Variants in SPART observed in about 807,000 individuals in gnomAD.
SPART encodes the protein spartin.
In SPART, 35 loss-of-function variants were observed where a neutral mutation model predicts 58.7. The observed-to-expected ratio is 0.60, with a 90% CI of 0.46 to 0.79. The LOEUF (loss-of-function observed/expected upper bound fraction) is 0.79. SPART is among the 30% of genes least tolerant of loss of function. The pLI, the probability that SPART is intolerant of heterozygous loss-of-function variation, is 0.00. For missense variants in SPART, 730 were observed against 786.1 expected, an observed-to-expected ratio of 0.93 and a Z score of 0.85; for synonymous variants, 284 against 280.7, an observed-to-expected ratio of 1.01 and a Z score of -0.12.
chr13:36,307,385 A>G (rs1426542628), intron 8 of SPART, among the ~76,000 whole-genome samples: 1 of 152,166 alleles, frequency 6.6e-6, no homozygotes, highest in East Asian at 1.9e-4. Flanking sequence ...CCCTTCATCC[A>G]GTGCAAATTT....
At chr13:36,323,244 A>T (rs545572452) in intron 5 of SPART, among the ~76,000 whole-genome samples, 20 of 152,302 alleles carry the variant, frequency 1.3e-4, no homozygotes, top group Non-Finnish European at 2.4e-4. Context: ...ACCCTTGATG[A>T]TGTTTTGCTA....
At chr13:36,310,052 C>T (rs1439145356) in intron 8 of SPART, among the ~76,000 whole-genome samples, 2 of 152,148 alleles carry the variant, frequency 1.3e-5, no homozygotes, top group East Asian at 1.9e-4. Flanking sequence ...TGGTTTATAT[C>T]CCAGCTCTAC....
chr13:36,365,798 G>A (rs893666934), intron 1 of SPART: 2 of 294,268 alleles, frequency 6.8e-6, no homozygotes, highest in Non-Finnish European at 1.4e-5. Context: ...TGCATGGGTG[G>A]ACTAAAGACC....
At chr13:36,362,379 T>C (rs1325670703) in intron 1 of SPART, among the ~76,000 whole-genome samples, 2 of 149,434 alleles carry the variant, frequency 1.3e-5, no homozygotes, top group African/African-American at 4.9e-5. Flanking sequence ...ACCCATGTTA[T>C]GGAAGAAGAA....
In SPART at chr13:36,303,614, C is replaced by CTT. The variant is rs1477347843; in HGVS notation, c.*749_*750dup. 2.6e-5 allele frequency: 4 copies of CTT among 152,090 alleles called. No homozygotes were observed. The highest frequency in any genetic ancestry group is 5.9e-5 in the Non-Finnish European group (4 of 67,972). The allele number at this position is 152,090 out of a possible 1,614,324, so 9.4% of individuals were successfully genotyped here. ...TATGATAAAATAATTTCTTGAAGTA[C>CTT]TTTTTTAATCCAATTAAGCTGATAA... On this transcript the variant is annotated 3_prime_UTR_variant, in exon 9 of 9. Transcript: ENST00000438666.
intron 1 of SPART, among the ~76,000 whole-genome samples, chr13:36,367,925 G>A (rs529185410): frequency 3.3e-5 from 5 of 152,202 alleles, no homozygotes; most frequent in South Asian, 4.1e-4. Context: ...CTCAGGATAC[G>A]ACGGATAATC....
At chr13:36,362,211 C>T (rs2137722916) in intron 1 of SPART, among the ~76,000 whole-genome samples, 1 of 152,100 alleles carries the variant, frequency 6.6e-6, no homozygotes, top group African/African-American at 2.4e-5. Context: ...ATTAGCTGGG[C>T]ATGGTGGCGC....
intron 4 of SPART, 113 bp from the exon 5 acceptor site, chr13:36,326,811 A>G (rs1882982774): frequency 8.3e-7 from 1 of 1,207,148 alleles, no homozygotes; most frequent in South Asian, 1.3e-5. Context: ...TTAATGAAAA[A>G]TATCTCCAGC....
chr13:36,338,342 G>C (rs1197839064), intron 1 of SPART, among the ~76,000 whole-genome samples: 1 of 152,194 alleles, frequency 6.6e-6, no homozygotes, highest in Non-Finnish European at 1.5e-5. Flanking sequence ...AAAGGAGGCA[G>C]ACAAGTGAAA....
At chr13:36,360,425 G>C (rs1885808978) in intron 1 of SPART, among the ~76,000 whole-genome samples, 1 of 151,894 alleles carries the variant, frequency 6.6e-6, no homozygotes, top group African/African-American at 2.4e-5. Context: ...GGTGTTAAGA[G>C]TGTCTTTCAG....
intron 8 of SPART, 119 bp from the exon 9 acceptor site, chr13:36,304,751 T>C: frequency 1.9e-6 from 2 of 1,056,272 alleles, no homozygotes; most frequent in East Asian, 5.2e-5. Context: ...AAATTAAAGC[T>C]TAGGTTTCAA....
intron 1 of SPART, among the ~76,000 whole-genome samples, chr13:36,337,845 C>A (rs150234956): frequency 1.5e-3 from 221 of 152,238 alleles, no homozygotes; most frequent in African/African-American, 5.0e-3. Context: ...CTGTGAAGTG[C>A]TTCCTTCAAG....
At chr13:36,342,252 G>GTACTACT (rs1884650383) in intron 1 of SPART, among the ~76,000 whole-genome samples, 1 of 152,150 alleles carries the variant, frequency 6.6e-6, no homozygotes, top group African/African-American at 2.4e-5. Flanking sequence ...ATTACTATTA[G>GTACTACT]TACTACTTTG....
upstream of SPART, among the ~76,000 whole-genome samples, chr13:36,349,510 T>C (rs1447870323): frequency 6.6e-6 from 1 of 152,146 alleles, no homozygotes; most frequent in Non-Finnish European, 1.5e-5. Context: ...AAGGATGTGG[T>C]AGAAGGAACA....
At chr13:36,342,303 G>A (rs1260322832) in intron 1 of SPART, among the ~76,000 whole-genome samples, 1 of 152,096 alleles carries the variant, frequency 6.6e-6, no homozygotes, top group Non-Finnish European at 1.5e-5. Flanking sequence ...AATTGCCTTA[G>A]ATCACCTGTT....
In SPART at chr13:36,335,343, G is replaced by A. The variant is rs150640373; in HGVS notation, c.488C>T (p.Ser163Leu). 9.9e-6 allele frequency: 16 copies of A among 1,613,952 alleles called. No individual in the cohort carries two copies. Among genetic ancestry groups the A allele is most frequent in the Non-Finnish European group, 1.2e-5 (14 of 1,180,002 alleles). ...VAAPASLSLP[S>L]QSCPAEAPPA... ...AGGAGCTTCTGCTGGACAACTTTGT[G>A]ATGGTAAAGACAGAGAAGCAGGTGC... The change falls in exon 2 of 9, where the codon TCA becomes TTA. Residue 163 changes from serine to leucine, a missense_variant. Ser to Leu is a moderately radical substitution (Grantham distance 145). Transcript: ENST00000438666.
intron 4 of SPART, among the ~76,000 whole-genome samples, chr13:36,329,110 A>G (rs543734149): frequency 6.6e-6 from 1 of 152,266 alleles, no homozygotes; most frequent in East Asian, 1.9e-4. Flanking sequence ...CAAAAAAAAT[A>G]AAATCTCTCA....
intron 1 of SPART, among the ~76,000 whole-genome samples, chr13:36,363,719 A>G (rs1885952429): frequency 2.0e-5 from 3 of 151,730 alleles, no homozygotes; most frequent in Admixed American, 2.0e-4. Flanking sequence ...CAAAATGGAC[A>G]TGCCTCAGCG....
At chr13:36,353,829 C>T (rs932640352) in intron 1 of SPART, among the ~76,000 whole-genome samples, 4 of 152,142 alleles carry the variant, frequency 2.6e-5, no homozygotes, top group Non-Finnish European at 5.9e-5. Flanking sequence ...GTGTTTTTGT[C>T]TTGATCCTTC....
Sources: gnomAD v4.1 joint callset for allele counts (sites outside exome capture counted in the v4.1 genomes callset) on GRCh38, gnomAD v4.1.1 for gene constraint, MANE v1.5 for transcripts, NCBI Gene and HGNC (gene_info 2026-07-23, HGNC 2026-07-21) for gene names.